AGAP1: variants seen among roughly 807,000 people sequenced by gnomAD.
AGAP1 encodes the protein arf-GAP with GTPase, ANK repeat and PH domain-containing protein 1.
A neutral mutation model predicts 105.3 loss-of-function variants in AGAP1; 29 were observed. The observed-to-expected ratio is 0.28, with a 90% CI of 0.21 to 0.38. The LOEUF is 0.38. Among genes scored for constraint, AGAP1 ranks in the 10% least tolerant of loss-of-function variants. The pLI, the probability that AGAP1 is intolerant of heterozygous loss-of-function variation, is 1.00. For synonymous variants in AGAP1, 509 were observed against 485.9 expected, an observed-to-expected ratio of 1.05 and a Z score of -0.63; for missense variants, 998 against 1,165.1, an observed-to-expected ratio of 0.86 and a Z score of 2.09.
chr2:235,770,133 C>CTTTTTTTTTTTTTTTTTTT (rs57008190), intron 6 of AGAP1, among the ~76,000 whole-genome samples: 7 of 136,682 alleles, frequency 5.1e-5, no homozygotes, highest in South Asian at 2.3e-4. Context: ...TTCTTTGTTT[C>CTTTTTTTTTTTTTTTTTTT]TTTTTTTTTT....
Position 235,905,531 on chromosome 2 carries a change from C to T in AGAP1, c.1156-3207C>T, listed in dbSNP as rs540511085. Among the ~76,000 whole-genome samples, 103 of 152,282 alleles carry T rather than the reference C, an allele frequency of 6.8e-4. No individual in the cohort carries two copies. Among genetic ancestry groups the T allele is most frequent in the African/African-American group, 2.3e-3 (97 of 41,556 alleles). ...CTTTTCTTTTTGAGACAGAGTTTCCCTCTTGTCGCTTAGGCTGGAGTGCAA... is the reference window on the plus strand; with the variant it reads ...CTTTTCTTTTTGAGACAGAGTTTCCTTCTTGTCGCTTAGGCTGGAGTGCAA... On this transcript the variant is annotated intron_variant, in intron 10 of 17. Coordinates refer to ENST00000304032, the MANE Select transcript of AGAP1 (RefSeq NM_001037131.3). The surrounding 1 kb of genome is among the most constrained non-coding windows in gnomAD (Gnocchi z 4.2).
chr2:236,027,596 C>T lies in AGAP1; in HGVS notation c.1646-8965C>T, dbSNP rs907416415. 2.0e-5 allele frequency among the ~76,000 whole-genome samples: 3 copies of T among 152,152 alleles called. No homozygotes were observed. The highest frequency in any genetic ancestry group is 2.9e-5 in the Non-Finnish European group (2 of 68,042). On this transcript the variant is annotated intron_variant, in intron 13 of 17. Coordinates refer to ENST00000304032, the MANE Select transcript of AGAP1 (RefSeq NM_001037131.3). The surrounding 1 kb of genome is among the most constrained non-coding windows in gnomAD (Gnocchi z 4.4). ...ATCACAGTTCAGCCCTGGTCCCCAT[C>T]AGCACAGCCTGCCTGGGAGAGGCCA...
At chr2:236,112,273 G>A (rs567343230) in intron 16 of AGAP1, among the ~76,000 whole-genome samples, 74 of 152,136 alleles carry the variant, frequency 4.9e-4, no homozygotes, top group African/African-American at 1.5e-3. Context: ...AAAATTAGCC[G>A]GACGTGGTGG....
At position 235,953,837 on chromosome 2, in the gene AGAP1, C is replaced by T. The variant is rs935357745; in HGVS notation, c.1484-14625C>T. 7.9e-5 allele frequency among the ~76,000 whole-genome samples: 12 copies of T among 152,138 alleles called. No individual in the cohort carries two copies. Among genetic ancestry groups the T allele is most frequent in the South Asian group, 6.2e-4 (3 of 4,826 alleles). On this transcript the variant is annotated intron_variant, in intron 12 of 17. Coordinates refer to ENST00000304032, the MANE Select transcript of AGAP1 (RefSeq NM_001037131.3). This position sits in a 1 kb window ranked among gnomAD's most constrained non-coding sequence, Gnocchi z 5.2. ...CCTTGGGAGGCTGAGGCAGGAGGAT[C>T]GCTGGAGCCCCAGGAGTTCAAGGCT...
chr2:235,494,718 C>G lies in AGAP1; in HGVS notation c.32C>G (p.Ala11Gly). 2 of 1,556,810 alleles carry G rather than the reference C, an allele frequency of 1.3e-6. No homozygotes were observed. The highest frequency in any genetic ancestry group is 2.3e-5 in the South Asian group (2 of 87,116). MNYQQQLANSAAIRAEIQRFE... is the reference protein window; with the variant it reads MNYQQQLANSGAIRAEIQRFE... ...TACCAGCAGCAGCTGGCCAACTCGG[C>G]TGCCATCCGGGCCGAGATCCAGCGC... is the stretch of plus-strand genomic sequence containing the variant. The change falls in exon 1 of 18, where the codon GCT becomes GGT. Residue 11 changes from alanine (A) to glycine (G), a missense_variant. Transcript: ENST00000304032.
At chr2:235,791,840 C>T (rs1956995758) in intron 6 of AGAP1, among the ~76,000 whole-genome samples, 2 of 152,224 alleles carry the variant, frequency 1.3e-5, no homozygotes, top group Non-Finnish European at 2.9e-5. Context: ...AGCCAGCTCA[C>T]CCAGCCGGGA....
intron 9 of AGAP1, among the ~76,000 whole-genome samples, chr2:235,822,791 T>C (rs532629209): frequency 1.3e-5 from 2 of 152,258 alleles, no homozygotes; most frequent in Non-Finnish European, 2.9e-5. Context: ...CAGATAGATC[T>C]GGTGAGAATG....
rs1958957637 is a variant in AGAP1, at chr2:235,824,378, T to A, written c.1050+17047T>A. Among the ~76,000 whole-genome samples, 1 of 152,230 alleles carries A rather than the reference T, an allele frequency of 6.6e-6. No individual in the cohort carries two copies. The highest frequency in any genetic ancestry group is 1.5e-5 in the Non-Finnish European group (1 of 68,042). On this transcript the variant is annotated intron_variant, in intron 9 of 17. Coordinates refer to ENST00000304032, the MANE Select transcript of AGAP1 (RefSeq NM_001037131.3). This position sits in a 1 kb window ranked among gnomAD's most constrained non-coding sequence, Gnocchi z 5.2. Reference sequence around the variant, plus strand: ...TGTACTCACTGTGGGTCTTGCAAATTGGTAACTGGTAGCTACCAGTGTAAT... The same window carrying A: ...TGTACTCACTGTGGGTCTTGCAAATAGGTAACTGGTAGCTACCAGTGTAAT...
At chr2:235,709,467 G>A (rs991512249) in intron 2 of AGAP1, among the ~76,000 whole-genome samples, 1 of 152,232 alleles carries the variant, frequency 6.6e-6, no homozygotes, top group South Asian at 2.1e-4. Context: ...AGCCAGGGCG[G>A]TGTCTCATGT....
intron 1 of AGAP1, among the ~76,000 whole-genome samples, chr2:235,527,857 C>A: frequency 6.6e-6 from 1 of 152,298 alleles, no homozygotes; most frequent in South Asian, 2.1e-4. Context: ...CAGAGAGGCT[C>A]CTGTGTATAA....
rs79281608 is a variant in AGAP1, at chr2:236,002,498, C to A, written c.1645+33875C>A. Among the ~76,000 whole-genome samples the A allele has an allele frequency of 3.3e-5, 5 of 152,302 alleles. No individual in the cohort carries two copies. Among genetic ancestry groups the A allele is most frequent in the African/African-American group, 1.2e-4 (5 of 41,582 alleles). Reference sequence around the variant, plus strand: ...ATTTTCTGACAAAAGAGACATGAAACAAATATGTTAACAAGTAATGTTGCT... The same window carrying A: ...ATTTTCTGACAAAAGAGACATGAAAAAAATATGTTAACAAGTAATGTTGCT... On this transcript the variant is annotated intron_variant, in intron 13 of 17. Transcript: ENST00000304032. This position sits in a 1 kb window ranked among gnomAD's most constrained non-coding sequence, Gnocchi z 4.3.
chr2:235,643,431 C>CAAAAAAAAAAAAA (rs56146940), intron 1 of AGAP1, among the ~76,000 whole-genome samples: 7 of 61,418 alleles, frequency 1.1e-4, no homozygotes, highest in African/African-American at 4.1e-4. Context: ...GACTGGGTCT[C>CAAAAAAAAAAAAA]AAAAAAAAAA....
Position 235,612,674 on chromosome 2 carries a change from C to T in AGAP1, c.164-96505C>T, listed in dbSNP as rs1480768440. ...ACCAAACTTGGGAAATCCTGACCAG[C>T]GCATCCAGGGTTGCTTGGGCACAGT... On this transcript the variant is annotated intron_variant, in intron 1 of 17. Coordinates refer to ENST00000304032, the MANE Select transcript of AGAP1 (RefSeq NM_001037131.3). This position sits in a 1 kb window ranked among gnomAD's most constrained non-coding sequence, Gnocchi z 4.3. Among the ~76,000 whole-genome samples the T allele has an allele frequency of 2.6e-5, 4 of 152,204 alleles. No individual in the cohort carries two copies. Among genetic ancestry groups the T allele is most frequent in the Non-Finnish European group, 4.4e-5 (3 of 68,042 alleles).
intron 16 of AGAP1, among the ~76,000 whole-genome samples, chr2:236,117,397 T>C (rs1345749527): frequency 3.3e-5 from 5 of 152,116 alleles, no homozygotes; most frequent in Admixed American, 6.6e-5. Flanking sequence ...GCCTATGAGG[T>C]GAGATGTGAG....
In AGAP1 at chr2:235,960,869, C is replaced by T. The variant is rs1451899467; in HGVS notation, c.1484-7593C>T. Among the ~76,000 whole-genome samples, 1 of 152,148 alleles carries T rather than the reference C, an allele frequency of 6.6e-6. No individual in the cohort carries two copies. The highest frequency in any genetic ancestry group is 1.5e-5 in the Non-Finnish European group (1 of 68,036). The stretch of plus-strand genomic sequence containing the variant: ...AAAATAGATTCCAAATGGTTGGAAA[C>T]TCATAGGACAGTGGTTTGGCACAAA... On this transcript the variant is annotated intron_variant, in intron 12 of 17. Transcript: ENST00000304032. This position sits in a 1 kb window ranked among gnomAD's most constrained non-coding sequence, Gnocchi z 4.9.
chr2:235,861,711 C>T (rs762213972), intron 9 of AGAP1, among the ~76,000 whole-genome samples: 51 of 152,168 alleles, frequency 3.4e-4, no homozygotes, highest in African/African-American at 4.6e-4. Context: ...TGTAGAAAGA[C>T]CCACTGTGTC....
At position 235,610,851 on chromosome 2, in the gene AGAP1, C is replaced by T. The variant is rs1422580778; in HGVS notation, c.164-98328C>T. 2.0e-5 allele frequency among the ~76,000 whole-genome samples: 3 copies of T among 152,088 alleles called. No individual in the cohort carries two copies. The highest frequency in any genetic ancestry group is 7.2e-5 in the African/African-American group (3 of 41,388). ...CCTACTTCCTGCCTTGACACCACCCCCTGCCCACAGCCTTCTCATTCTTGT... is the reference window on the plus strand; with the variant it reads ...CCTACTTCCTGCCTTGACACCACCCTCTGCCCACAGCCTTCTCATTCTTGT... On this transcript the variant is annotated intron_variant, in intron 1 of 17. Transcript: ENST00000304032. This position sits in a 1 kb window ranked among gnomAD's most constrained non-coding sequence, Gnocchi z 4.9.
intron 16 of AGAP1, among the ~76,000 whole-genome samples, chr2:236,108,854 C>A (rs1006691339): frequency 1.3e-5 from 2 of 152,258 alleles, no homozygotes; most frequent in African/African-American, 4.8e-5. Context: ...GCTCTCTTGT[C>A]TGTGTCCCGT....
At chr2:235,675,736 T>C (rs1471174784) in intron 1 of AGAP1, among the ~76,000 whole-genome samples, 1 of 152,222 alleles carries the variant, frequency 6.6e-6, no homozygotes, top group East Asian at 1.9e-4. Context: ...AGAGCTGTGC[T>C]GAACGTCAGC....
Sources: gnomAD v4.1 joint callset for allele counts (sites outside exome capture counted in the v4.1 genomes callset) on GRCh38, gnomAD v4.1.1 for gene constraint, Gnocchi (gnomAD v3.1) non-coding constraint, MANE v1.5 for transcripts, NCBI Gene and HGNC (gene_info 2026-07-23, HGNC 2026-07-21) for gene names.